The following PAX7 variants were observed in gnomAD, a reference collection of about 807,000 sequenced individuals.
The protein encoded by PAX7 is paired box 7, also known as paired box protein Pax-7.
PAX7 carries 18 observed loss-of-function variants against 50.7 expected under a neutral mutation model. The ratio of observed to expected loss-of-function variants is 0.36; its 90% CI spans 0.25 to 0.53. The LOEUF (loss-of-function observed/expected upper bound fraction) is 0.53, where lower values mean the gene tolerates loss of function less well. Ranked by LOEUF, PAX7 falls within the 20% of genes least tolerant of loss-of-function variation. The pLI, the probability that PAX7 is intolerant of heterozygous loss-of-function variation, is 0.93. For synonymous variants in PAX7, 310 were observed against 290.4 expected, an observed-to-expected ratio of 1.07 and a Z score of -0.69; for missense variants, 644 against 702.9, an observed-to-expected ratio of 0.92 and a Z score of 0.95.
At position 18,732,802 on chromosome 1, in the gene PAX7, G is replaced by A. The variant is rs138657597; in HGVS notation, c.1156-2830G>A. On this transcript the variant is annotated intron_variant, in intron 7 of 8. Coordinates refer to ENST00000420770, the MANE Select transcript of PAX7 (RefSeq NM_001135254.2). ...TCTCAGCCTGTCTCAAAACATCCTC[G>A]TCCTCTTCCTAACCATCCCCCGACT... Among the ~76,000 whole-genome samples the A allele has an allele frequency of 2.0e-3, 304 of 152,148 alleles. 2 individuals carry two copies. Among genetic ancestry groups the A allele is most frequent in the African/African-American group, 6.6e-3 (275 of 41,496 alleles).
At chr1:18,727,808 G>T (rs2089593144) in intron 7 of PAX7, among the ~76,000 whole-genome samples, 1 of 152,298 alleles carries the variant, frequency 6.6e-6, no homozygotes, top group Non-Finnish European at 1.5e-5. Flanking sequence ...CACACGGCAG[G>T]TGCAGGGCTT....
chr1:18,671,460 G>A (rs557122050), intron 4 of PAX7, among the ~76,000 whole-genome samples: 67 of 152,192 alleles, frequency 4.4e-4, no homozygotes, highest in Non-Finnish European at 5.6e-4. Flanking sequence ...GCAGACAGCC[G>A]AGCCTGGAAG....
intron 4 of PAX7, among the ~76,000 whole-genome samples, chr1:18,647,405 A>G (rs1324696863): frequency 1.3e-5 from 2 of 151,674 alleles, no homozygotes; most frequent in Non-Finnish European, 2.9e-5. Flanking sequence ...AGAGGTCTCC[A>G]AAAGTCATCC....
chr1:18,662,051 C>T (rs1345367235), intron 4 of PAX7, among the ~76,000 whole-genome samples: 1 of 151,708 alleles, frequency 6.6e-6, no homozygotes, highest in Non-Finnish European at 1.5e-5. Flanking sequence ...CTGGTCTCTG[C>T]CTGCACCAGT....
intron 4 of PAX7, among the ~76,000 whole-genome samples, chr1:18,679,109 C>T (rs2088862602): frequency 6.6e-6 from 1 of 152,216 alleles, no homozygotes; most frequent in South Asian, 2.1e-4. Context: ...CGCTTCTTCT[C>T]TGTGGCCTTC....
chr1:18,727,369 CA>C (rs57423853), intron 7 of PAX7, among the ~76,000 whole-genome samples: 62,085 of 117,392 alleles, frequency 0.53, 14,340 homozygotes, highest in African/African-American at 0.59. Flanking sequence ...CTCTCTCTCT[CA>C]TACACACACA....
chr1:18,658,415 C>T (rs2088555508), intron 4 of PAX7, among the ~76,000 whole-genome samples: 2 of 152,208 alleles, frequency 1.3e-5, no homozygotes, highest in African/African-American at 4.8e-5. Flanking sequence ...CGTTTCCGAA[C>T]ACTTACTGTG....
At chr1:18,742,369 G>A (rs1446625801) in intron 8 of PAX7, among the ~76,000 whole-genome samples, 1 of 152,078 alleles carries the variant, frequency 6.6e-6, no homozygotes, top group Non-Finnish European at 1.5e-5. Flanking sequence ...TGTTAGCCAG[G>A]ATGGTCTCAA....
chr1:18,739,596 G>A (rs1269810845), intron 8 of PAX7, among the ~76,000 whole-genome samples: 1 of 152,212 alleles, frequency 6.6e-6, no homozygotes, highest in Non-Finnish European at 1.5e-5. Context: ...TCACCCGGCA[G>A]CCCATACTGA....
chr1:18,645,880 C>T (rs774076868), intron 4 of PAX7, among the ~76,000 whole-genome samples: 2 of 152,302 alleles, frequency 1.3e-5, no homozygotes, highest in East Asian at 3.9e-4. Context: ...TTTCTTGTAA[C>T]CACAGCCCTA....
At chr1:18,668,228 G>GTGGA (rs1425984397) in intron 4 of PAX7, among the ~76,000 whole-genome samples, 1 of 152,202 alleles carries the variant, frequency 6.6e-6, no homozygotes, top group Non-Finnish European at 1.5e-5. Flanking sequence ...AGTCAGAGCT[G>GTGGA]TGGATATTCC....
rs2088162058 is a variant in PAX7, at chr1:18,636,598, G to C, written c.586+227G>C. 1.3e-5 allele frequency among the ~76,000 whole-genome samples: 2 copies of C among 152,226 alleles called. No individual in the cohort carries two copies. Among genetic ancestry groups the C allele is most frequent in the South Asian group, 4.1e-4 (2 of 4,830 alleles). On this transcript the variant is annotated intron_variant, in intron 4 of 8. Transcript: ENST00000420770. The surrounding 1 kb of genome is among the most constrained non-coding windows in gnomAD (Gnocchi z 5.1). ...AAGCCCGCGCCTTCTTTGCGCTATG[G>C]AGGCCGGGCACGGACGGCCTGTGAG...
At chr1:18,664,341 A>G (rs1179954714) in intron 4 of PAX7, among the ~76,000 whole-genome samples, 2 of 152,194 alleles carry the variant, frequency 1.3e-5, no homozygotes, top group African/African-American at 4.8e-5. Context: ...CTATGGCCAC[A>G]TCTGAGTTTT....
At chr1:18,664,454 G>T (rs1048511651) in intron 4 of PAX7, among the ~76,000 whole-genome samples, 9 of 152,212 alleles carry the variant, frequency 5.9e-5, no homozygotes, top group African/African-American at 2.2e-4. Flanking sequence ...CCTGGGGAAG[G>T]GGAGGGAGGA....
intron 4 of PAX7, among the ~76,000 whole-genome samples, chr1:18,674,309 G>A (rs1449854032): frequency 2.0e-5 from 3 of 152,220 alleles, no homozygotes; most frequent in Admixed American, 6.5e-5. Context: ...GTCCGGTGTG[G>A]TTCCTGACTT....
rs1182803815 is a variant in PAX7 at position 18,726,955 on chromosome 1, G to A, written c.1156-8677G>A. ...TCCTCTGAGCTTCCAAGGTCCCCGA[G>A]CTTCAGCCTGTACTCTGGGTTGGGG... is the stretch of plus-strand genomic sequence containing the variant. On this transcript the variant is annotated intron_variant, in intron 7 of 8. Coordinates refer to ENST00000420770, the MANE Select transcript of PAX7 (RefSeq NM_001135254.2). The surrounding 1 kb of genome is among the most constrained non-coding windows in gnomAD (Gnocchi z 4.8). 6.6e-6 allele frequency among the ~76,000 whole-genome samples: 1 copy of A among 152,176 alleles called. No individual in the cohort carries two copies. The highest frequency in any genetic ancestry group is 1.5e-5 in the Non-Finnish European group (1 of 68,036).
chr1:18,740,202 C>T (rs1015741067), intron 8 of PAX7, among the ~76,000 whole-genome samples: 1 of 152,188 alleles, frequency 6.6e-6, no homozygotes, highest in Non-Finnish European at 1.5e-5. Flanking sequence ...CTCGCCGGCC[C>T]CTCGGCTCCA....
chr1:18,683,236 G>A (rs905067329), intron 4 of PAX7, among the ~76,000 whole-genome samples: 7 of 152,214 alleles, frequency 4.6e-5, no homozygotes, highest in East Asian at 1.9e-4. Flanking sequence ...TGAATCAAGC[G>A]TGGATAGTTT....
chr1:18,635,364 G>A, intron 3 of PAX7, 124 bp downstream of exon 3: 1 of 1,116,840 alleles, frequency 9.0e-7, no homozygotes, highest in Non-Finnish European at 1.3e-6. Flanking sequence ...TGAGAAGTTG[G>A]GAGGAAAGGA....
Sources: allele counts gnomAD v4.1 joint callset (sites outside exome capture counted in the v4.1 genomes callset), GRCh38; gene constraint gnomAD v4.1.1; non-coding constraint Gnocchi (gnomAD v3.1); transcripts MANE v1.5; gene names NCBI Gene and HGNC (gene_info 2026-07-23, HGNC 2026-07-21).